Variants in DSE observed in about 807,000 individuals in gnomAD.
DSE encodes the protein dermatan sulfate epimerase.
A neutral mutation model predicts 84.4 loss-of-function variants in DSE; 36 were observed. The observed-to-expected ratio is 0.43, with a 90% CI of 0.33 to 0.56. The LOEUF (loss-of-function observed/expected upper bound fraction) is 0.56. Ranked by LOEUF, DSE falls within the 20% of genes least tolerant of loss-of-function variation. The probability of loss-of-function intolerance (pLI) is 0.06; values close to 1 mark genes in which losing one functional copy is unlikely to be tolerated. For synonymous variants in DSE, 410 were observed against 430.1 expected (o/e 0.95, Z 0.58); for missense variants, 862 against 1,169.6 (o/e 0.74, Z 3.84).
chr6:116,363,234 A>AAT (rs1328615371), intron 2 of DSE, among the ~76,000 whole-genome samples: 10 of 152,024 alleles, frequency 6.6e-5, no homozygotes, highest in East Asian at 1.9e-4. Flanking sequence ...GAGATATTTA[A>AAT]ATATATATAT....
intron 1 of DSE, chr6:116,255,405 G>T (rs1198800980): frequency 6.6e-6 from 1 of 152,218 alleles, no homozygotes; most frequent in Non-Finnish European, 1.5e-5. Context: ...AGACAATACG[G>T]AGAAACAGCC....
rs60663392 is a variant in DSE at position 116,279,890 on chromosome 6, G to A, written c.-54+20923G>A. ...CCGTTTTCCTCAGAGGCCGAACTGG[G>A]AGCTAACCGCCGCTCGCACCGCCCA... On this transcript the variant is annotated intron_variant, in intron 2 of 3. Coordinates refer to the DSE transcript ENST00000430252. 5,590 of 1,610,726 alleles carry A rather than the reference G, an allele frequency of 3.5e-3. 176 individuals carry two copies. In the African/African-American group the frequency reaches 0.065, roughly 19 times the overall value.
At position 116,414,940 on chromosome 6, in the gene DSE, A is replaced by T. The variant is rs181628666; in HGVS notation, c.417-11634A>T. Among the ~76,000 whole-genome samples the T allele has an allele frequency of 2.9e-3, 440 of 152,328 alleles. 2 individuals are homozygous for T. Among genetic ancestry groups the T allele is most frequent in the Middle Eastern group, 0.02 (6 of 294 alleles). ...AGACATTCTTAATAAGACATTTTTT[A>T]AAAATAATTCATCTTTTTGAAGAAG... is the stretch of plus-strand genomic sequence containing the variant. On this transcript the variant is annotated intron_variant, in intron 2 of 5. Coordinates refer to ENST00000644252, the MANE Select transcript of DSE (RefSeq NM_013352.4).
At chr6:116,255,026 G>C (rs1002720480) in intron 1 of DSE, 2 of 152,170 alleles carry the variant, frequency 1.3e-5, no homozygotes, top group African/African-American at 2.4e-5. Flanking sequence ...TTGTCTATTC[G>C]AGTCAGTTAG....
chr6:116,426,517 TGTG>T (rs1216553370), intron 2 of DSE, 54 bp from the exon 3 acceptor site: 20 of 1,580,006 alleles, frequency 1.3e-5, no homozygotes, highest in Non-Finnish European at 1.7e-6. Flanking sequence ...ACTTTAGAAG[TGTG>T]GTGAAAGCTG....
At chr6:116,307,497 A>G (rs1313624169) in intron 2 of DSE, among the ~76,000 whole-genome samples, 1 of 152,212 alleles carries the variant, frequency 6.6e-6, no homozygotes, top group Non-Finnish European at 1.5e-5. Flanking sequence ...TACATTTTAT[A>G]TGGATATGAA....
rs555191028 is a variant in DSE at position 116,335,753 on chromosome 6, A to G, written c.-53-63445A>G. Among the ~76,000 whole-genome samples the G allele has an allele frequency of 2.3e-3, 345 of 152,370 alleles. 1 individual carries two copies. Among genetic ancestry groups the G allele is most frequent in the Non-Finnish European group, 3.7e-3 (252 of 68,034 alleles). The stretch of plus-strand genomic sequence containing the variant: ...GAACGATAAATAAAAGTGCATTGAT[A>G]GCATAAGTTACTACAAGTCACTTTT... On this transcript the variant is annotated intron_variant, in intron 2 of 3. Transcript: ENST00000430252.
intron 2 of DSE, among the ~76,000 whole-genome samples, chr6:116,404,294 T>C (rs1781780569): frequency 6.6e-6 from 1 of 152,262 alleles, no homozygotes; most frequent in Non-Finnish European, 1.5e-5. Context: ...TTTACCATAT[T>C]TCACTTAATA....
intron 1 of DSE, among the ~76,000 whole-genome samples, chr6:116,382,228 A>G (rs780963701): frequency 4.6e-5 from 7 of 152,154 alleles, no homozygotes; most frequent in Non-Finnish European, 1.0e-4. Context: ...TCAACATATG[A>G]ATTTTTGTGG....
In DSE at chr6:116,426,783, A is replaced by C; in HGVS notation, c.626A>C (p.Asn209Thr). Residue 209 changes from asparagine (N) to threonine (T), a missense_variant, in exon 3 of 6, where the codon AAC (asparagine) becomes ACC (threonine). Around this residue, in one of 4 missense-constraint regions of DSE, gnomAD observed 309 missense variants for 516.9 expected, o/e 0.60. Transcript: ENST00000644252. ...TACCTGCACAATCATCAGCCCACCAACTGTATGGCTTTGCTCACGGGAAGC... is the reference window on the plus strand; with the variant it reads ...TACCTGCACAATCATCAGCCCACCACCTGTATGGCTTTGCTCACGGGAAGC... ...FQYLHNHQPT[N>T]CMALLTGSLV... The C allele has an allele frequency of 6.2e-7, 1 of 1,614,200 alleles. No individual in the cohort carries two copies. The highest frequency in any genetic ancestry group is 1.1e-5 in the South Asian group (1 of 91,078).
intron 1 of DSE, among the ~76,000 whole-genome samples, chr6:116,387,445 A>G (rs893166787): frequency 6.6e-6 from 1 of 152,222 alleles, no homozygotes; most frequent in Non-Finnish European, 1.5e-5. Context: ...TTTTAGGTGT[A>G]TAAATGAGCA....
At chr6:116,383,035 G>A (rs1027850321) in intron 1 of DSE, among the ~76,000 whole-genome samples, 1 of 152,150 alleles carries the variant, frequency 6.6e-6, no homozygotes, top group Non-Finnish European at 1.5e-5. Flanking sequence ...CTTGTGAATT[G>A]GTAGGATGTG....
At chr6:116,332,517 C>T (rs180835299) in intron 2 of DSE, among the ~76,000 whole-genome samples, 1 of 152,134 alleles carries the variant, frequency 6.6e-6, no homozygotes, top group Admixed American at 6.5e-5. Context: ...AGGAGTTGCT[C>T]TACTGGATAT....
chr6:116,269,163 C>T (rs1421055207), intron 2 of DSE, among the ~76,000 whole-genome samples: 1 of 152,106 alleles, frequency 6.6e-6, no homozygotes, highest in African/African-American at 2.4e-5. Flanking sequence ...ACAGATCTGA[C>T]GTCAAGTCCC....
intron 5 of DSE, among the ~76,000 whole-genome samples, chr6:116,434,253 C>T (rs948397548): frequency 4.6e-5 from 7 of 152,124 alleles, no homozygotes; most frequent in African/African-American, 1.4e-4. Flanking sequence ...ATCAAAATTA[C>T]AGGGAACTGA....
At chr6:116,377,901 C>T (rs1336824552) in intron 1 of DSE, among the ~76,000 whole-genome samples, 1 of 152,136 alleles carries the variant, frequency 6.6e-6, no homozygotes, top group Non-Finnish European at 1.5e-5. Flanking sequence ...CAATGAATTT[C>T]TAGAATTTCA....
In DSE at chr6:116,426,926, C is replaced by A; in HGVS notation, c.670+99C>A. On this transcript the variant is annotated intron_variant, in intron 3 of 5. Coordinates refer to ENST00000644252, the MANE Select transcript of DSE (RefSeq NM_013352.4). ...TTTATAACCATTCTTAGTACATGTTCATACTTGGATCCTAACTAAACCCAT... is the reference window on the plus strand; with the variant it reads ...TTTATAACCATTCTTAGTACATGTTAATACTTGGATCCTAACTAAACCCAT... 3 of 1,458,148 alleles carry A rather than the reference C, an allele frequency of 2.1e-6. 1 individual carries two copies. In the South Asian group the frequency reaches 4.1e-5, roughly 20 times the overall value. The allele number at this position is 1,458,148 out of a possible 1,614,324, so 90.3% of individuals were successfully genotyped here.
At chr6:116,421,473 T>A (rs1318481603) in intron 2 of DSE, among the ~76,000 whole-genome samples, 41 of 106,690 alleles carry the variant, frequency 3.8e-4, no homozygotes, top group African/African-American at 1.8e-3. Flanking sequence ...ATTTTTTTTT[T>A]TTTTTTTTTT....
At chr6:116,348,803 G>A (rs1040580611) in intron 2 of DSE, among the ~76,000 whole-genome samples, 1 of 152,142 alleles carries the variant, frequency 6.6e-6, no homozygotes, top group African/African-American at 2.4e-5. Context: ...CCATAAAAAA[G>A]GATGAGTTCA....
Sources: gnomAD v4.1 joint callset for allele counts (sites outside exome capture counted in the v4.1 genomes callset) on GRCh38, gnomAD v4.1.1 for gene constraint, gnomAD v4.1.1 regional missense constraint, MANE v1.5 for transcripts, NCBI Gene and HGNC (gene_info 2026-07-23, HGNC 2026-07-21) for gene names.